EFCAB6: variants seen among roughly 807,000 people sequenced by gnomAD.
EFCAB6 encodes EF-hand calcium binding domain 6.
EFCAB6 carries 156 observed loss-of-function variants against 169.8 expected under a neutral mutation model. The observed-to-expected ratio is 0.92, with a 90% CI of 0.81 to 1.05. EFCAB6 has a LOEUF of 1.05. Among genes scored for constraint, EFCAB6 ranks in the 50% least tolerant of loss-of-function variants. EFCAB6 has a pLI of 0.00. For missense variants in EFCAB6, 1,800 were observed against 1,829.1 expected (o/e 0.98, Z 0.29); for synonymous variants, 698 against 676.4 (o/e 1.03, Z -0.50).
chr22:43,672,185 G>A, intron 14 of EFCAB6, 52 bp from the exon 15 acceptor site: 1 of 1,613,756 alleles, frequency 6.2e-7, no homozygotes, highest in Non-Finnish European at 8.5e-7. Context: ...GTAACCTCTT[G>A]TAACAGTAAC....
intron 19 of EFCAB6, among the ~76,000 whole-genome samples, chr22:43,631,416 G>C (rs76450532): frequency 6.6e-6 from 1 of 151,866 alleles, no homozygotes. Context: ...CCTCCACCAC[G>C]ACAAGCCACA....
chr22:43,619,960 C>T (rs1333094443), intron 20 of EFCAB6, among the ~76,000 whole-genome samples: 2 of 152,028 alleles, frequency 1.3e-5, no homozygotes, highest in Admixed American at 6.6e-5. Context: ...CATGGTCAAA[C>T]AAATCAAATC....
intron 8 of EFCAB6, among the ~76,000 whole-genome samples, chr22:43,730,133 G>C (rs2059885099): frequency 6.8e-6 from 1 of 146,928 alleles, no homozygotes; most frequent in Non-Finnish European, 1.5e-5. Flanking sequence ...AGTGAGCTAT[G>C]ATCGTGTCAC....
chr22:43,772,861 AG>A (rs759448108), intron 4 of EFCAB6, 30 bp downstream of exon 4: 1 of 1,609,084 alleles, frequency 6.2e-7, no homozygotes, highest in Non-Finnish European at 8.5e-7. Flanking sequence ...TCTGGAATTG[AG>A]GGATTCTAAG....
chr22:43,716,141 C>T (rs2059325221), intron 9 of EFCAB6, among the ~76,000 whole-genome samples: 1 of 152,064 alleles, frequency 6.6e-6, no homozygotes, highest in Non-Finnish European at 1.5e-5. Flanking sequence ...ACATGTTTAC[C>T]CACATTACTT....
At chr22:43,730,535 C>T (rs2059911692) in intron 8 of EFCAB6, among the ~76,000 whole-genome samples, 1 of 151,954 alleles carries the variant, frequency 6.6e-6, no homozygotes, top group Non-Finnish European at 1.5e-5. Context: ...TCTTCTGATA[C>T]ACTCAGGTAA....
intron 13 of EFCAB6, among the ~76,000 whole-genome samples, chr22:43,673,923 C>T (rs191766278): frequency 6.0e-4 from 90 of 150,260 alleles, no homozygotes; most frequent in African/African-American, 2.1e-3. Flanking sequence ...GCCGAGATCG[C>T]GCCACTGCAC....
intron 19 of EFCAB6, among the ~76,000 whole-genome samples, chr22:43,627,798 C>A (rs573708649): frequency 4.6e-5 from 7 of 152,306 alleles, no homozygotes; most frequent in African/African-American, 1.7e-4. Context: ...TCAAGCAAGA[C>A]CTGCTGTGAC....
chr22:43,756,856 C>A (rs1025665612), intron 5 of EFCAB6, among the ~76,000 whole-genome samples: 1 of 152,114 alleles, frequency 6.6e-6, no homozygotes, highest in Non-Finnish European at 1.5e-5. Flanking sequence ...GCCTTCCAGG[C>A]AAAGCAAAGG....
At chr22:43,662,344 C>T (rs2057047020) in intron 17 of EFCAB6, among the ~76,000 whole-genome samples, 1 of 152,088 alleles carries the variant, frequency 6.6e-6, no homozygotes, top group South Asian at 2.1e-4. Flanking sequence ...CATTCTCCCT[C>T]ATTGATCCGG....
At chr22:43,718,089 T>C (rs993306712) in intron 8 of EFCAB6, among the ~76,000 whole-genome samples, 1 of 108,076 alleles carries the variant, frequency 9.3e-6, no homozygotes, top group African/African-American at 4.3e-5. Flanking sequence ...TCCATCCATG[T>C]AAGTACCAGA....
At chr22:43,626,371 C>T (rs567847838) in intron 20 of EFCAB6, 76 bp downstream of exon 20, 54 of 1,399,616 alleles carry the variant, frequency 3.9e-5, no homozygotes, top group East Asian at 2.4e-4. Context: ...CCTTTGCGGA[C>T]GCCATGGAAA....
chr22:43,741,866 G>A (rs1333056008), intron 6 of EFCAB6, among the ~76,000 whole-genome samples: 1 of 152,106 alleles, frequency 6.6e-6, no homozygotes, highest in Non-Finnish European at 1.5e-5. Context: ...TTGGTAACTA[G>A]CTCCTTCCCC....
intron 23 of EFCAB6, among the ~76,000 whole-genome samples, chr22:43,599,567 A>G (rs572204916): frequency 1.6e-4 from 22 of 141,150 alleles, no homozygotes; most frequent in African/African-American, 5.5e-4. Flanking sequence ...TGCAGGTCAC[A>G]CCTTCCCGTT....
At chr22:43,631,486 T>C (rs1204038349) in intron 19 of EFCAB6, among the ~76,000 whole-genome samples, 2 of 152,048 alleles carry the variant, frequency 1.3e-5, no homozygotes, top group East Asian at 3.9e-4. Flanking sequence ...GCCTCATCTA[T>C]GGCTCCCTCC....
intron 4 of EFCAB6, among the ~76,000 whole-genome samples, chr22:43,769,050 T>C (rs1254649501): frequency 6.6e-6 from 1 of 152,194 alleles, no homozygotes; most frequent in Non-Finnish European, 1.5e-5. Flanking sequence ...CACATGAATG[T>C]TCACAGCAGT....
At chr22:43,549,333 A>G (rs1211119469) in intron 27 of EFCAB6, among the ~76,000 whole-genome samples, 1 of 152,190 alleles carries the variant, frequency 6.6e-6, no homozygotes, top group Non-Finnish European at 1.5e-5. Context: ...CCAGGAGAAA[A>G]ATAATATTAG....
At chr22:43,566,549 C>T (rs993654402) in intron 26 of EFCAB6, among the ~76,000 whole-genome samples, 10 of 152,174 alleles carry the variant, frequency 6.6e-5, no homozygotes, top group African/African-American at 1.7e-4. Flanking sequence ...GTGGCTCTCC[C>T]TGCTGTATAG....
At chr22:43,614,537 A>C (rs1045468814) in intron 21 of EFCAB6, among the ~76,000 whole-genome samples, 3 of 152,240 alleles carry the variant, frequency 2.0e-5, no homozygotes, top group African/African-American at 7.2e-5. Flanking sequence ...GTAAGACGGC[A>C]TAAGAGAAAA....
Sources: allele counts gnomAD v4.1 joint callset (sites outside exome capture counted in the v4.1 genomes callset), GRCh38; gene constraint gnomAD v4.1.1; transcripts MANE v1.5; gene names NCBI Gene and HGNC (gene_info 2026-07-23, HGNC 2026-07-21).